LINGO2: variants seen among roughly 807,000 people sequenced by gnomAD.
LINGO2 encodes leucine rich repeat and Ig domain containing 2, also known as leucine-rich repeat and immunoglobulin-like domain-containing nogo receptor-interacting protein 2.
Under a neutral mutation model 30.6 loss-of-function variants are expected in LINGO2, and 14 were observed. The observed-to-expected ratio is 0.46, with a 90% CI of 0.30 to 0.72. The LOEUF (loss-of-function observed/expected upper bound fraction) is 0.72, where lower values mean the gene tolerates loss of function less well. Among genes scored for constraint, LINGO2 ranks in the 30% least tolerant of loss-of-function variants. The pLI is 0.07. For missense variants in LINGO2, 729 were observed against 751.7 expected (o/e 0.97, Z 0.35); for synonymous variants, 317 against 288.5 (o/e 1.10, Z -1.00).
intron 4 of LINGO2, among the ~76,000 whole-genome samples, chr9:28,187,875 T>A (rs1456781004): frequency 6.6e-6 from 1 of 152,160 alleles, no homozygotes; most frequent in African/African-American, 2.4e-5. Flanking sequence ...ATGAGTTGAA[T>A]ATAATTTTTT....
intron 4 of LINGO2, among the ~76,000 whole-genome samples, chr9:28,267,147 A>G (rs927877844): frequency 2.0e-5 from 3 of 152,038 alleles, no homozygotes; most frequent in African/African-American, 7.2e-5. Flanking sequence ...TGCTATAGCA[A>G]TGCAGTTTTG....
At chr9:28,604,286 C>T (rs1456790708) in intron 1 of LINGO2, among the ~76,000 whole-genome samples, 1 of 151,938 alleles carries the variant, frequency 6.6e-6, no homozygotes, top group African/African-American at 2.4e-5. Context: ...ATAGAAAGTG[C>T]CCACATAATC....
chr9:28,066,500 G>A (rs1294076085), intron 4 of LINGO2, among the ~76,000 whole-genome samples: 1 of 152,002 alleles, frequency 6.6e-6, no homozygotes, highest in African/African-American at 2.4e-5. Flanking sequence ...AGTCCCTACG[G>A]GGCTTCCCAG....
At chr9:28,424,251 G>A (rs1183666897) in intron 2 of LINGO2, among the ~76,000 whole-genome samples, 1 of 152,108 alleles carries the variant, frequency 6.6e-6, no homozygotes, top group African/African-American at 2.4e-5. Context: ...ACTTTGTGTA[G>A]AAGAACATGA....
At chr9:28,351,240 G>T (rs1443317653) in intron 3 of LINGO2, among the ~76,000 whole-genome samples, 6 of 147,376 alleles carry the variant, frequency 4.1e-5, no homozygotes, top group Non-Finnish European at 1.5e-5. Context: ...CAACAAAATT[G>T]ATAGACCGCT....
chr9:27,951,817 G>A (rs1819328130), intron 5 of LINGO2, among the ~76,000 whole-genome samples: 3 of 151,720 alleles, frequency 2.0e-5, no homozygotes, highest in Admixed American at 2.0e-4. Context: ...AGCTGCAAAG[G>A]AAAAATTAGT....
At chr9:29,074,725 G>A in the LINGO2 span, among the ~76,000 whole-genome samples, 8 of 117,064 alleles carry the variant, frequency 6.8e-5, no homozygotes, top group Admixed American at 1.2e-4. Context: ...TCGCTCTCTC[G>A]CCCAGGCTGG....
chr9:28,747,444 G>A, the LINGO2 span, among the ~76,000 whole-genome samples: 2 of 152,008 alleles, frequency 1.3e-5, no homozygotes, highest in Admixed American at 6.5e-5. Context: ...CAAAGACCTG[G>A]GTACCAAGAG....
the LINGO2 span, among the ~76,000 whole-genome samples, chr9:28,993,035 A>G: frequency 6.6e-6 from 1 of 152,164 alleles, no homozygotes; most frequent in Non-Finnish European, 1.5e-5. Flanking sequence ...TGAAGGAAAT[A>G]GAGACACAAA....
chr9:28,797,093 A>G, the LINGO2 span, among the ~76,000 whole-genome samples: 1 of 151,580 alleles, frequency 6.6e-6, no homozygotes, highest in Admixed American at 6.6e-5. Context: ...GCATAGTGTG[A>G]AGAACACTCA....
rs1344864957 is a variant in LINGO2, at chr9:28,515,726, T to C, written c.-364-39701A>G. Among the ~76,000 whole-genome samples, 5 of 152,296 alleles carry C rather than the reference T, an allele frequency of 3.3e-5. No individual in the cohort carries two copies. The East Asian group carries it at 5.8e-4, about 18-fold the overall frequency. Reference sequence around the variant, plus strand: ...ACTTGCGGTGAAGATATTGGGAACATTGTTGAAATGACAACAAAGGATTTT... The same window carrying C: ...ACTTGCGGTGAAGATATTGGGAACACTGTTGAAATGACAACAAAGGATTTT... On this transcript the variant is annotated intron_variant, in intron 1 of 5. Coordinates refer to ENST00000379992, the Ensembl canonical transcript of LINGO2.
the LINGO2 span, among the ~76,000 whole-genome samples, chr9:29,001,348 T>G: frequency 6.6e-6 from 1 of 152,008 alleles, no homozygotes; most frequent in Non-Finnish European, 1.5e-5. Flanking sequence ...TGGTAGTTTA[T>G]GTGACCAATG....
chr9:29,090,399 C>T, the LINGO2 span, among the ~76,000 whole-genome samples: 1 of 151,970 alleles, frequency 6.6e-6, no homozygotes, highest in East Asian at 1.9e-4. Context: ...TTCACGAACC[C>T]TCTGAGCAAC....
At chr9:28,260,916 C>A (rs1448708109) in intron 4 of LINGO2, among the ~76,000 whole-genome samples, 1 of 151,924 alleles carries the variant, frequency 6.6e-6, no homozygotes, top group Non-Finnish European at 1.5e-5. Context: ...AATTTAGTAA[C>A]CTGCTGTGGC....
intron 1 of LINGO2, among the ~76,000 whole-genome samples, chr9:28,482,690 G>A (rs980149253): frequency 6.6e-6 from 1 of 151,982 alleles, no homozygotes; most frequent in African/African-American, 2.4e-5. Flanking sequence ...TAGACATGAA[G>A]CATATCTACA....
the LINGO2 span, among the ~76,000 whole-genome samples, chr9:29,028,462 G>C: frequency 1.3e-5 from 2 of 149,720 alleles, no homozygotes. Flanking sequence ...GAGAGAGACA[G>C]AGAGAGAGAG....
the LINGO2 span, among the ~76,000 whole-genome samples, chr9:29,110,739 G>A: frequency 3.3e-5 from 5 of 151,456 alleles, no homozygotes; most frequent in African/African-American, 4.9e-5. Context: ...CCCCCAGGCT[G>A]GAGTGCAGTG....
chr9:28,007,193 G>A (rs1011834442), intron 5 of LINGO2, among the ~76,000 whole-genome samples: 8 of 152,092 alleles, frequency 5.3e-5, no homozygotes, highest in African/African-American at 1.9e-4. Flanking sequence ...CTTAATATAA[G>A]AAACAAAGTA....
chr9:28,557,870 A>G (rs1030757889), intron 1 of LINGO2, among the ~76,000 whole-genome samples: 4 of 151,688 alleles, frequency 2.6e-5, no homozygotes, highest in Non-Finnish European at 5.9e-5. Context: ...GCTGGAAACC[A>G]TCATTCTCAG....
Sources: allele counts gnomAD v4.1 joint callset (sites outside exome capture counted in the v4.1 genomes callset), GRCh38; gene constraint gnomAD v4.1.1; transcripts MANE v1.5; gene names NCBI Gene and HGNC (gene_info 2026-07-23, HGNC 2026-07-21).